PPM1L: variants seen among roughly 807,000 people sequenced by gnomAD.
PPM1L encodes protein phosphatase, Mg2+/Mn2+ dependent 1L.
In PPM1L, 13 loss-of-function variants were observed where a neutral mutation model predicts 31.4. The observed-to-expected ratio is 0.41, with a 90% CI of 0.27 to 0.66. The LOEUF (loss-of-function observed/expected upper bound fraction) is 0.66. PPM1L is among the 30% of genes least tolerant of loss of function. The pLI, the probability that PPM1L is intolerant of heterozygous loss-of-function variation, is 0.29. For synonymous variants in PPM1L, 184 were observed against 175.4 expected, an observed-to-expected ratio of 1.05 and a Z score of -0.39; for missense variants, 326 against 453.7, an observed-to-expected ratio of 0.72 and a Z score of 2.56.
At chr3:160,798,393 C>G (rs1712323012) in intron 1 of PPM1L, among the ~76,000 whole-genome samples, 1 of 152,154 alleles carries the variant, frequency 6.6e-6, no homozygotes, top group Non-Finnish European at 1.5e-5. Context: ...CAAGCTGACT[C>G]TCTTGTTAAG....
intron 2 of PPM1L, among the ~76,000 whole-genome samples, chr3:160,983,616 T>C (rs548657540): frequency 6.6e-6 from 1 of 152,214 alleles, no homozygotes; most frequent in Non-Finnish European, 1.5e-5. Flanking sequence ...TTTTCCTATA[T>C]CTACAAGCAT....
At chr3:160,992,535 G>A (rs1371927559) in intron 2 of PPM1L, among the ~76,000 whole-genome samples, 2 of 152,176 alleles carry the variant, frequency 1.3e-5, no homozygotes, top group African/African-American at 2.4e-5. Context: ...TGAAGAATTC[G>A]AGGGATATAC....
intron 1 of PPM1L, among the ~76,000 whole-genome samples, chr3:160,818,519 C>T (rs772442369): frequency 6.6e-6 from 1 of 151,854 alleles, no homozygotes; most frequent in Non-Finnish European, 1.5e-5. Context: ...AAAATATTGG[C>T]TAAAATAACC....
intron 2 of PPM1L, among the ~76,000 whole-genome samples, chr3:161,003,346 T>G (rs919856553): frequency 6.6e-6 from 1 of 151,630 alleles, no homozygotes; most frequent in Non-Finnish European, 1.5e-5. Flanking sequence ...CCATATGAAC[T>G]TTAAAATAGT....
intron 1 of PPM1L, among the ~76,000 whole-genome samples, chr3:160,940,467 C>T (rs984788056): frequency 2.6e-5 from 4 of 152,124 alleles, no homozygotes; most frequent in Admixed American, 6.5e-5. Context: ...GTGGGCTGGG[C>T]GCAGGGTCCC....
intron 1 of PPM1L, among the ~76,000 whole-genome samples, chr3:160,765,360 G>A (rs1020926320): frequency 7.9e-5 from 12 of 152,156 alleles, no homozygotes; most frequent in African/African-American, 2.7e-4. Flanking sequence ...ATTGTTATGT[G>A]GACACTGCCT....
At chr3:160,972,333 A>T (rs2108117549) in intron 2 of PPM1L, among the ~76,000 whole-genome samples, 1 of 150,836 alleles carries the variant, frequency 6.6e-6, no homozygotes, top group South Asian at 2.1e-4. Context: ...ATATCTCCTA[A>T]TGCTATCCCT....
intron 1 of PPM1L, among the ~76,000 whole-genome samples, chr3:160,928,747 C>T (rs1455432184): frequency 6.6e-6 from 1 of 152,062 alleles, no homozygotes; most frequent in African/African-American, 2.4e-5. Flanking sequence ...CCTTTTGTCC[C>T]TCTTTCTCTC....
chr3:160,801,916 T>C (rs1712439879), intron 1 of PPM1L, among the ~76,000 whole-genome samples: 1 of 152,178 alleles, frequency 6.6e-6, no homozygotes, highest in South Asian at 2.1e-4. Context: ...CTGTTTCTTC[T>C]TACTTTTAGC....
chr3:160,864,669 T>C (rs532823548), intron 1 of PPM1L, among the ~76,000 whole-genome samples: 1 of 152,324 alleles, frequency 6.6e-6, no homozygotes, highest in South Asian at 2.1e-4. Flanking sequence ...TATAAATGGA[T>C]GAATAAGACA....
intron 2 of PPM1L, among the ~76,000 whole-genome samples, chr3:161,028,911 C>T (rs1718482029): frequency 6.6e-6 from 1 of 152,154 alleles, no homozygotes; most frequent in African/African-American, 2.4e-5. Context: ...GAACTGTGGT[C>T]AGTATGGATT....
chr3:160,811,652 A>C (rs886988916), intron 1 of PPM1L, among the ~76,000 whole-genome samples: 3 of 152,210 alleles, frequency 2.0e-5, no homozygotes, highest in African/African-American at 7.2e-5. Context: ...GCACAGTGGA[A>C]GTGTGGAAAA....
chr3:160,790,757 G>A lies in PPM1L; in HGVS notation c.399+34050G>A, dbSNP rs546638660. ...GCAGCAGAGAAGTCACAGAGGGATG[G>A]CAGAGATTACCATGGGAAGACCAGC... is the stretch of plus-strand genomic sequence containing the variant. On this transcript the variant is annotated intron_variant, in intron 1 of 3. Coordinates refer to ENST00000498165, the MANE Select transcript of PPM1L (RefSeq NM_139245.4). Among the ~76,000 whole-genome samples, 2 of 152,234 alleles carry A rather than the reference G, an allele frequency of 1.3e-5. 1 individual carries two copies. The highest frequency in any genetic ancestry group is 4.1e-4 in the South Asian group (2 of 4,826).
intron 2 of PPM1L, among the ~76,000 whole-genome samples, chr3:161,041,774 C>A (rs1718918260): frequency 6.6e-6 from 1 of 151,782 alleles, no homozygotes; most frequent in South Asian, 2.1e-4. Context: ...AAACAAAAAA[C>A]ACACACACAA....
intron 1 of PPM1L, among the ~76,000 whole-genome samples, chr3:160,910,221 C>G (rs575051216): frequency 4.3e-4 from 52 of 121,220 alleles, no homozygotes; most frequent in African/African-American, 1.6e-3. Flanking sequence ...TTCCCCTTCC[C>G]CTTTCCTTTC....
intron 1 of PPM1L, among the ~76,000 whole-genome samples, chr3:160,815,912 C>G (rs1712980902): frequency 6.6e-6 from 1 of 152,014 alleles, no homozygotes; most frequent in Non-Finnish European, 1.5e-5. Context: ...GTTCTTTTTC[C>G]CTAGGAAGGA....
rs1715361453 is a variant in PPM1L, at chr3:160,945,109, T to TCTATAAC, written c.400-16627_400-16626insCTATAAC. On this transcript the variant is annotated intron_variant, in intron 1 of 3. Transcript: ENST00000498165. The stretch of plus-strand genomic sequence containing the variant: ...TATATAACATGTTATATATAACATA[T>TCTATAAC]ATGTTATCTATCTATCTATCTATCT... 6.6e-4 allele frequency among the ~76,000 whole-genome samples: 18 copies of TCTATAAC among 27,106 alleles called. 2 individuals carry two copies. Among genetic ancestry groups the TCTATAAC allele is most frequent in the African/African-American group, 1.9e-3 (15 of 7,970 alleles). 17.8% of individuals were successfully genotyped at this position (27,106 alleles called of 152,430 possible).
chr3:161,011,943 T>C (rs573300145), intron 2 of PPM1L, among the ~76,000 whole-genome samples: 2 of 152,336 alleles, frequency 1.3e-5, no homozygotes, highest in Admixed American at 6.5e-5. Flanking sequence ...TTTCTAAATA[T>C]ACAATCATGT....
intron 2 of PPM1L, among the ~76,000 whole-genome samples, chr3:161,012,761 T>C (rs1296675931): frequency 6.6e-6 from 1 of 152,172 alleles, no homozygotes; most frequent in East Asian, 1.9e-4. Flanking sequence ...GTGTATGTGT[T>C]GAGGAATTTA....
Sources: gnomAD v4.1 joint callset for allele counts (sites outside exome capture counted in the v4.1 genomes callset) on GRCh38, gnomAD v4.1.1 for gene constraint, MANE v1.5 for transcripts, NCBI Gene and HGNC (gene_info 2026-07-23, HGNC 2026-07-21) for gene names.